GLIS3: variants seen among roughly 807,000 people sequenced by gnomAD.
The protein encoded by GLIS3 is GLIS family zinc finger 3, also known as zinc finger protein GLIS3.
GLIS3 carries 53 observed loss-of-function variants against 78.6 expected under a neutral mutation model. The observed-to-expected ratio is 0.67, with a 90% CI of 0.54 to 0.85. The LOEUF (loss-of-function observed/expected upper bound fraction) is 0.85, where lower values mean the gene tolerates loss of function less well. Among genes scored for constraint, GLIS3 ranks in the 40% least tolerant of loss-of-function variants. The pLI, the probability that GLIS3 is intolerant of heterozygous loss-of-function variation, is 0.00. For missense variants in GLIS3, 1,703 were observed against 1,231.1 expected (o/e 1.38, Z -5.74); for synonymous variants, 684 against 509.9 (o/e 1.34, Z -4.60).
At chr9:4,315,341 C>T (rs75571015) in intron 2 of GLIS3, among the ~76,000 whole-genome samples, 92 of 152,218 alleles carry the variant, frequency 6.0e-4, no homozygotes, top group Middle Eastern at 3.4e-3. Flanking sequence ...AATGGTTTGC[C>T]GGGAGACTCT....
chr9:4,198,664 C>T (rs1158094797), intron 2 of GLIS3, among the ~76,000 whole-genome samples: 7 of 151,674 alleles, frequency 4.6e-5, no homozygotes, highest in East Asian at 1.9e-4. Context: ...AGAAAATTTC[C>T]CCAATCTTGC....
chr9:4,013,053 G>A (rs988994465), intron 4 of GLIS3, among the ~76,000 whole-genome samples: 2 of 152,036 alleles, frequency 1.3e-5, no homozygotes, highest in African/African-American at 2.4e-5. Flanking sequence ...GATTACAGGT[G>A]TCTCTGGTTT....
At chr9:4,468,975 G>C in the GLIS3 span, among the ~76,000 whole-genome samples, 1 of 151,960 alleles carries the variant, frequency 6.6e-6, no homozygotes. Flanking sequence ...AAAAACGCAG[G>C]ATTTGCAATC....
chr9:4,160,645 T>A (rs780380729), intron 2 of GLIS3, among the ~76,000 whole-genome samples: 20 of 152,226 alleles, frequency 1.3e-4, no homozygotes, highest in Non-Finnish European at 1.9e-4. Context: ...TTCTTCAAAG[T>A]CCTTGTATTT....
In GLIS3 at chr9:4,118,588, C is replaced by G; in HGVS notation, c.890G>C (p.Arg297Pro). 2 of 1,614,222 alleles carry G rather than the reference C, an allele frequency of 1.2e-6. No homozygotes were observed. Among genetic ancestry groups the G allele is most frequent in the Non-Finnish European group, 8.5e-7 (1 of 1,180,040 alleles). Residue 297 changes from arginine (R) to proline (P), a missense_variant, in exon 4 of 11, where the codon CGC becomes CCC. Physicochemically the swap from Arg to Pro is moderately radical, Grantham distance 103 (BLOSUM62 -2). Transcript: ENST00000381971. The surrounding 1 kb of genome is among the most constrained non-coding windows in gnomAD (Gnocchi z 4.7). ...RHSSTRSHSA[R>P]SKKRALSLSP... ...CAAGGACAGCGCTCTCTTCTTGGAG[C>G]GGGCCGAGTGGGACCTGGTGGATGA...
chr9:4,353,639 C>T, the GLIS3 span, among the ~76,000 whole-genome samples: 1 of 152,154 alleles, frequency 6.6e-6, no homozygotes, highest in Non-Finnish European at 1.5e-5. Context: ...CCAAAACGGG[C>T]CGTAATCTGG....
At chr9:4,017,792 A>T (rs1255730143) in intron 4 of GLIS3, among the ~76,000 whole-genome samples, 1 of 152,186 alleles carries the variant, frequency 6.6e-6, no homozygotes, top group East Asian at 1.9e-4. Flanking sequence ...TTTTTCAACA[A>T]TATTGAAGGA....
chr9:4,270,888 G>GGTGTGTGTGTGT (rs148679668), intron 2 of GLIS3, among the ~76,000 whole-genome samples: 1 of 146,910 alleles, frequency 6.8e-6, no homozygotes, highest in Non-Finnish European at 1.5e-5. Context: ...CAATCTGTGT[G>GGTGTGTGTGTGT]GTGTGTGTGT....
intron 2 of GLIS3, among the ~76,000 whole-genome samples, chr9:4,282,306 C>A (rs1422733892): frequency 6.6e-6 from 1 of 152,130 alleles, no homozygotes; most frequent in East Asian, 1.9e-4. Context: ...AATATTAGGT[C>A]CAACACTACT....
In GLIS3 at chr9:4,204,730, C is replaced by T. The variant is rs541083668; in HGVS notation, c.389-78789G>A. On this transcript the variant is annotated intron_variant, in intron 2 of 10. Coordinates refer to ENST00000381971, the MANE Select transcript of GLIS3 (RefSeq NM_001042413.2). ...CTCAGGAGTTTGAGACCAGCCTGGG[C>T]AACTCAAACCGTGTCTCTAGTAAAA... Among the ~76,000 whole-genome samples, 753 of 152,106 alleles carry T rather than the reference C, an allele frequency of 5.0e-3. 8 individuals carry two copies. The highest frequency in any genetic ancestry group is 7.8e-3 in the Non-Finnish European group (527 of 67,968).
chr9:4,427,372 G>A, the GLIS3 span, among the ~76,000 whole-genome samples: 3 of 152,222 alleles, frequency 2.0e-5, no homozygotes, highest in East Asian at 3.9e-4. Context: ...CAGACACTGT[G>A]GTAAGGGGTG....
At chr9:4,371,615 C>T in the GLIS3 span, among the ~76,000 whole-genome samples, 1 of 152,132 alleles carries the variant, frequency 6.6e-6, no homozygotes, top group Non-Finnish European at 1.5e-5. Flanking sequence ...TCACTGGGAT[C>T]CACTAGGTAT....
intron 1 of GLIS3, among the ~76,000 whole-genome samples, chr9:4,297,312 A>G (rs1267312774): frequency 2.0e-5 from 3 of 152,204 alleles, no homozygotes; most frequent in Non-Finnish European, 4.4e-5. Flanking sequence ...CCGGGACCTG[A>G]GAACTTTAAG....
intron 4 of GLIS3, among the ~76,000 whole-genome samples, chr9:3,991,804 C>T (rs897445467): frequency 6.6e-6 from 1 of 151,520 alleles, no homozygotes; most frequent in African/African-American, 2.4e-5. Flanking sequence ...CATTCTCCTG[C>T]CTCAGCCTCC....
the GLIS3 span, among the ~76,000 whole-genome samples, chr9:4,486,152 T>C: frequency 6.6e-6 from 1 of 152,214 alleles, no homozygotes; most frequent in Non-Finnish European, 1.5e-5. Flanking sequence ...GTATGCACTA[T>C]AGGAGCTTTA....
chr9:4,312,741 G>C (rs1817384349), intron 2 of GLIS3, among the ~76,000 whole-genome samples: 1 of 152,198 alleles, frequency 6.6e-6, no homozygotes, highest in Admixed American at 6.5e-5. Flanking sequence ...AACTGAAGGA[G>C]GCCTTGGGGC....
chr9:4,436,796 G>C, the GLIS3 span, among the ~76,000 whole-genome samples: 6 of 119,184 alleles, frequency 5.0e-5, no homozygotes, highest in Admixed American at 9.9e-5. Flanking sequence ...CTGGGCAAGA[G>C]TGAGACTGCA....
intron 2 of GLIS3, among the ~76,000 whole-genome samples, chr9:4,234,175 C>A (rs1441506058): frequency 6.6e-6 from 1 of 152,186 alleles, no homozygotes; most frequent in East Asian, 1.9e-4. Context: ...ATGGGAGGAG[C>A]ACTTCTAATT....
intron 2 of GLIS3, among the ~76,000 whole-genome samples, chr9:4,256,457 G>A (rs1368369878): frequency 6.6e-6 from 1 of 152,178 alleles, no homozygotes; most frequent in African/African-American, 2.4e-5. Context: ...CTCTTAAATT[G>A]TGAAAGATTA....
Sources: gnomAD v4.1 joint callset for allele counts (sites outside exome capture counted in the v4.1 genomes callset) on GRCh38, gnomAD v4.1.1 for gene constraint, Gnocchi (gnomAD v3.1) non-coding constraint, MANE v1.5 for transcripts, NCBI Gene and HGNC (gene_info 2026-07-23, HGNC 2026-07-21) for gene names.